Variants in PTPRD observed in about 807,000 individuals in gnomAD.
The protein encoded by PTPRD is receptor-type tyrosine-protein phosphatase delta.
PTPRD carries 34 observed loss-of-function variants against 214.5 expected under a neutral mutation model. That is an observed-to-expected ratio of 0.16 (90% CI 0.12 to 0.21). The LOEUF is 0.21. Among genes scored for constraint, PTPRD ranks in the 10% least tolerant of loss-of-function variants. PTPRD has a pLI of 1.00. For synonymous variants in PTPRD, 1,128 were observed against 845.7 expected (o/e 1.33, Z -5.79); for missense variants, 2,545 against 2,398.7 (o/e 1.06, Z -1.27).
chr9:8,545,998 CT>C (rs938262741), intron 14 of PTPRD, among the ~76,000 whole-genome samples: 1 of 152,192 alleles, frequency 6.6e-6, no homozygotes. Flanking sequence ...TCACCAACCT[CT>C]TTAGTTTTCA....
intron 39 of PTPRD, among the ~76,000 whole-genome samples, chr9:8,373,520 G>A (rs1008725853): frequency 6.6e-6 from 1 of 151,788 alleles, no homozygotes; most frequent in Admixed American, 6.6e-5. Flanking sequence ...GCAGCTATTA[G>A]CTCAGCACAT....
intron 11 of PTPRD, among the ~76,000 whole-genome samples, chr9:8,922,619 A>G (rs1019276586): frequency 1.3e-5 from 2 of 151,808 alleles, no homozygotes; most frequent in African/African-American, 2.4e-5. Flanking sequence ...ACTTCCATGT[A>G]GTTTTTTAAC....
intron 4 of PTPRD, among the ~76,000 whole-genome samples, chr9:10,029,219 A>T (rs1426757318): frequency 6.6e-6 from 1 of 152,174 alleles, no homozygotes; most frequent in African/African-American, 2.4e-5. Flanking sequence ...AGTTTGCTGC[A>T]GGGGTGGGGT....
intron 11 of PTPRD, among the ~76,000 whole-genome samples, chr9:8,966,778 C>T (rs936299610): frequency 6.6e-6 from 1 of 151,990 alleles, no homozygotes; most frequent in African/African-American, 2.4e-5. Flanking sequence ...AACTAAAGAG[C>T]TTATGCACAG....
chr9:9,946,635 C>T (rs2092599266), intron 4 of PTPRD, among the ~76,000 whole-genome samples: 1 of 151,540 alleles, frequency 6.6e-6, no homozygotes, highest in South Asian at 2.1e-4. Context: ...CCACTGCTCC[C>T]CCAACCCTCC....
rs1351177096 is a variant in PTPRD at position 9,181,332 on chromosome 9, T to G, written c.-143+1972A>C. Among the ~76,000 whole-genome samples, 3 of 151,922 alleles carry G rather than the reference T, an allele frequency of 2.0e-5. No individual in the cohort carries two copies. The East Asian group carries it at 5.8e-4, about 29-fold the overall frequency. ...TTAGAAAAAAAGCCTTTTCTCTAGG[T>G]AGGTAGTTATGTTTTTTTCTGACTG... On this transcript the variant is annotated intron_variant, in intron 10 of 45. Transcript: ENST00000381196.
At chr9:9,166,847 G>C (rs1343652099) in intron 10 of PTPRD, among the ~76,000 whole-genome samples, 1 of 152,078 alleles carries the variant, frequency 6.6e-6, no homozygotes, top group Non-Finnish European at 1.5e-5. Flanking sequence ...CCTACCTATA[G>C]TTGTAAGAGG....
At chr9:8,823,784 C>T (rs889518977) in intron 11 of PTPRD, among the ~76,000 whole-genome samples, 4 of 152,002 alleles carry the variant, frequency 2.6e-5, no homozygotes, top group African/African-American at 4.8e-5. Context: ...TTGGATTTTG[C>T]GCGAGAAAAG....
At chr9:9,797,243 G>GTTTT (rs56375104) in intron 5 of PTPRD, among the ~76,000 whole-genome samples, 9,136 of 97,398 alleles carry the variant, frequency 0.094, 816 homozygotes, top group East Asian at 0.52. Flanking sequence ...ATTTCAGGCA[G>GTTTT]TTTTTTTTTT....
At chr9:8,761,773 A>C (rs2094430524) in intron 11 of PTPRD, among the ~76,000 whole-genome samples, 1 of 152,214 alleles carries the variant, frequency 6.6e-6, no homozygotes, top group African/African-American at 2.4e-5. Flanking sequence ...AAAGAGATGA[A>C]TCCTCAGAAG....
intron 33 of PTPRD, among the ~76,000 whole-genome samples, chr9:8,458,088 T>A (rs2096267438): frequency 6.6e-6 from 1 of 152,156 alleles, no homozygotes; most frequent in African/African-American, 2.4e-5. Context: ...GTTAGCTAAA[T>A]ATACTTAGCA....
chr9:9,005,637 G>T (rs188883938), intron 11 of PTPRD, among the ~76,000 whole-genome samples: 31 of 152,096 alleles, frequency 2.0e-4, no homozygotes, highest in Admixed American at 1.8e-3. Flanking sequence ...GCTGCTTTCA[G>T]CTGTAGAGGA....
intron 26 of PTPRD, 150 bp from the exon 27 acceptor site, chr9:8,493,129 A>T (rs1050498414): frequency 1.5e-6 from 1 of 646,294 alleles, no homozygotes; most frequent in Non-Finnish European, 2.7e-6. Flanking sequence ...AGCTCATGCT[A>T]TGGAGATCTG....
At chr9:10,514,102 A>C (rs1262681892) in intron 2 of PTPRD, among the ~76,000 whole-genome samples, 1 of 152,120 alleles carries the variant, frequency 6.6e-6, no homozygotes, top group East Asian at 1.9e-4. Context: ...TCAATTATTC[A>C]TATGGAACAA....
chr9:9,170,271 T>C (rs553512311), intron 10 of PTPRD, among the ~76,000 whole-genome samples: 1 of 152,308 alleles, frequency 6.6e-6, no homozygotes, highest in East Asian at 1.9e-4. Context: ...AAAATGTTCA[T>C]TAGAGTTCTT....
chr9:10,246,661 A>C (rs543634066), intron 3 of PTPRD, among the ~76,000 whole-genome samples: 1 of 152,230 alleles, frequency 6.6e-6, no homozygotes, highest in Admixed American at 6.5e-5. Context: ...AGAAAAGGAA[A>C]CCTAAGTACA....
chr9:9,541,500 C>T (rs1445054056), intron 8 of PTPRD, among the ~76,000 whole-genome samples: 1 of 151,818 alleles, frequency 6.6e-6, no homozygotes, highest in African/African-American at 2.4e-5. Flanking sequence ...AATGCCTGAA[C>T]AACCAGAATC....
At chr9:9,563,826 C>G (rs2083585292) in intron 8 of PTPRD, among the ~76,000 whole-genome samples, 1 of 152,144 alleles carries the variant, frequency 6.6e-6, no homozygotes, top group Non-Finnish European at 1.5e-5. Context: ...AGAATTGACT[C>G]ATATTGACAA....
rs115792555 is a variant in PTPRD, at chr9:8,843,433, A to T, written c.-103-109487T>A. Among the ~76,000 whole-genome samples, 618 of 152,314 alleles carry T rather than the reference A, an allele frequency of 4.1e-3. 1 individual carries two copies. The highest frequency in any genetic ancestry group is 0.013 in the African/African-American group (559 of 41,570). On this transcript the variant is annotated intron_variant, in intron 11 of 45. Transcript: ENST00000381196. ...TTATTACATCTGTAACCTTGAAAAG[A>T]TCAAATGATGTTTCAGAATGATCTG...
Sources: gnomAD v4.1 joint callset for allele counts (sites outside exome capture counted in the v4.1 genomes callset) on GRCh38, gnomAD v4.1.1 for gene constraint, MANE v1.5 for transcripts, NCBI Gene and HGNC (gene_info 2026-07-23, HGNC 2026-07-21) for gene names.